Variants in BRCA1 observed in about 807,000 individuals in gnomAD.
The protein encoded by BRCA1 is breast cancer type 1 susceptibility protein.
A neutral mutation model predicts 173.7 loss-of-function variants in BRCA1; 140 were observed. The ratio of observed to expected loss-of-function variants is 0.81; its 90% CI spans 0.70 to 0.93. BRCA1 has a LOEUF of 0.93. Ranked by LOEUF, BRCA1 falls within the 40% of genes least tolerant of loss-of-function variation. The pLI is 0.00. For missense variants in BRCA1, 1,983 were observed against 2,172.5 expected (o/e 0.91, Z 1.73); for synonymous variants, 662 against 756.0 (o/e 0.88, Z 2.04).
intron 2 of BRCA1, among the ~76,000 whole-genome samples, chr17:43,121,680 T>A (rs1239644257): frequency 2.2e-5 from 1 of 44,796 alleles, no homozygotes; most frequent in East Asian, 7.7e-4. Context: ...CCAAAGTCTG[T>A]CTCAAAAAAA....
rs80357185 is a variant in BRCA1 at position 43,093,049 on chromosome 17, C to T, written c.2482G>A (p.Gly828Ser). Residue 828 changes from glycine to serine, a missense_variant, in exon 10 of 23, where the codon GGC becomes AGC. By Grantham distance (56) the Gly-to-Ser change is moderately conservative. Coordinates refer to ENST00000357654, the MANE Select transcript of BRCA1 (RefSeq NM_007294.4). ...CSKDNRNDTE[G>S]FKYPLGHEVN... ...TCATGTCCCAATGGATACTTAAAGC[C>T]TTCTGTGTCATTTCTATTATCTTTG... 6.2e-7 allele frequency: 1 copy of T among 1,613,854 alleles called. No individual in the cohort carries two copies. The highest frequency in any genetic ancestry group is 8.5e-7 in the Non-Finnish European group (1 of 1,179,994).
chr17:43,158,950 C>A (rs766779645), intron 1 of BRCA1, among the ~76,000 whole-genome samples: 7 of 152,180 alleles, frequency 4.6e-5, no homozygotes, highest in Non-Finnish European at 8.8e-5. Flanking sequence ...GATTTTCAGA[C>A]CATGGCTGGG....
At chr17:43,051,181 G>T in intron 19 of BRCA1, 64 bp from the exon 20 acceptor site, 2 of 1,456,208 alleles carry the variant, frequency 1.4e-6, no homozygotes, top group South Asian at 1.1e-5. Context: ...AGTTATAAAA[G>T]AATATTGGCT....
chr17:43,090,830 T>C, intron 11 of BRCA1, 114 bp downstream of exon 11: 3 of 997,084 alleles, frequency 3.0e-6, no homozygotes, highest in Non-Finnish European at 4.6e-6. Flanking sequence ...CCACAAACAA[T>C]TGTGCCATTA....
At chr17:43,150,894 T>C (rs1425989130) in intron 1 of BRCA1, among the ~76,000 whole-genome samples, 1 of 152,206 alleles carries the variant, frequency 6.6e-6, no homozygotes, top group Non-Finnish European at 1.5e-5. Context: ...AGGAAACCTC[T>C]CGGTTCCAGG....
intron 1 of BRCA1, among the ~76,000 whole-genome samples, chr17:43,148,200 G>A (rs2056135874): frequency 6.6e-6 from 1 of 151,982 alleles, no homozygotes; most frequent in Non-Finnish European, 1.5e-5. Context: ...TTAGGCAGGA[G>A]AATCGCTTGA....
chr17:43,079,510 A>C, intron 12 of BRCA1: 1 of 1,131,402 alleles, frequency 8.8e-7, no homozygotes, highest in Non-Finnish European at 1.3e-6. Context: ...GTGACCCAGC[A>C]TGCTGTTGGC....
At chr17:43,110,567 A>G (rs1295927249) in intron 3 of BRCA1, 1 of 441,710 alleles carries the variant, frequency 2.3e-6, no homozygotes, top group Admixed American at 2.5e-5. Context: ...CAGCTGGGAC[A>G]ACAGAGTAAG....
At position 43,099,891 on chromosome 17, in the gene BRCA1, T is replaced by C. The variant is rs777009084; in HGVS notation, c.442-11A>G. 1.9e-6 allele frequency: 3 copies of C among 1,596,824 alleles called. No individual in the cohort carries two copies. Among genetic ancestry groups the C allele is most frequent in the Non-Finnish European group, 2.6e-6 (3 of 1,164,340 alleles). On this transcript the variant is annotated splice_polypyrimidine_tract_variant and intron_variant, in intron 6 of 22. Transcript: ENST00000357654. ...GAGACTGGTTTCCTGCTAAACAGTA[T>C]GGTAAAGAACAGTCAAGCAATTGTT...
At chr17:43,108,415 T>C (rs1038411523) in intron 3 of BRCA1, among the ~76,000 whole-genome samples, 1 of 151,192 alleles carries the variant, frequency 6.6e-6, no homozygotes, top group African/African-American at 2.4e-5. Flanking sequence ...ATTTAACATT[T>C]ATTACCCTCT....
chr17:43,097,200 T>C (rs1404502873), intron 8 of BRCA1, 44 bp downstream of exon 8: 3 of 1,569,488 alleles, frequency 1.9e-6, no homozygotes, highest in East Asian at 2.2e-5. Context: ...ATTAACTAAA[T>C]AGGAAAATAC....
Position 43,061,642 on chromosome 17 carries a change from G to A in BRCA1, c.5193+1691C>T, listed in dbSNP as rs551400929. Among the ~76,000 whole-genome samples, 12 of 151,418 alleles carry A rather than the reference G, an allele frequency of 7.9e-5. No individual in the cohort carries two copies. In the East Asian group the frequency reaches 2.3e-3, roughly 29 times the overall value. On this transcript the variant is annotated intron_variant, in intron 18 of 22. Transcript: ENST00000357654. ...CTGTCTCACAGGCTGGAGTGCAGTG[G>A]TGCAATCTAGGCTCACTGCAACCTC...
intron 1 of BRCA1, chr17:43,160,936 A>G (rs1162350832): frequency 6.6e-6 from 1 of 152,112 alleles, no homozygotes; most frequent in Non-Finnish European, 1.5e-5. Flanking sequence ...TATAACTCTT[A>G]TTATAAGAGT....
intron 11 of BRCA1, among the ~76,000 whole-genome samples, chr17:43,090,107 C>T (rs147250224): frequency 2.5e-4 from 38 of 151,850 alleles, no homozygotes; most frequent in African/African-American, 8.9e-4. Flanking sequence ...GCTAGATGGT[C>T]TCTATTAGGA....
intron 15 of BRCA1, among the ~76,000 whole-genome samples, chr17:43,068,553 TAA>T (rs755171693): frequency 1.1e-4 from 16 of 139,780 alleles, no homozygotes; most frequent in Admixed American, 2.9e-4. Context: ...TTCATGTCTT[TAA>T]AAAAAAAAAA....
At chr17:43,077,229 G>A (rs2052774572) in intron 12 of BRCA1, among the ~76,000 whole-genome samples, 1 of 152,098 alleles carries the variant, frequency 6.6e-6, no homozygotes. Context: ...ATCCCAAGGT[G>A]CTGGTTGATA....
At chr17:43,090,749 C>CGT (rs945278322) in intron 11 of BRCA1, among the ~76,000 whole-genome samples, 195 bp downstream of exon 11, 1 of 151,852 alleles carries the variant, frequency 6.6e-6, no homozygotes, top group Non-Finnish European at 1.5e-5. Flanking sequence ...TGCGCGTGTG[C>CGT]GTGTGTGTGA....
At position 43,045,694 on chromosome 17, in the gene BRCA1, G is replaced by C. The variant is rs80357322; in HGVS notation, c.5576C>G (p.Pro1859Arg). Residue 1859 changes from proline (P) to arginine (R), a missense_variant, in exon 23 of 23, where the codon CCC (proline) becomes CGC (arginine). Pro to Arg is a moderately radical substitution (Grantham distance 103). Transcript: ENST00000357654. ...ELDTYLIPQI[P>R]HSHY ...TGGCTGCAGTCAGTAGTGGCTGTGG[G>C]GGATCTGGGGTATCAGGTAGGTGTC... The C allele has an allele frequency of 6.1e-5, 99 of 1,613,526 alleles. No homozygotes were observed. The highest frequency in any genetic ancestry group is 7.8e-5 in the Non-Finnish European group (92 of 1,179,768).
chr17:43,052,286 CT>C (rs1304976929), intron 19 of BRCA1, among the ~76,000 whole-genome samples: 1 of 151,284 alleles, frequency 6.6e-6, no homozygotes, highest in African/African-American at 2.4e-5. Context: ...TAATTTTTTT[CT>C]TTTTTTTTGA....
Sources: allele counts gnomAD v4.1 joint callset (sites outside exome capture counted in the v4.1 genomes callset), GRCh38; gene constraint gnomAD v4.1.1; transcripts MANE v1.5; gene names NCBI Gene and HGNC (gene_info 2026-07-23, HGNC 2026-07-21).